C19orf18: variants seen among roughly 807,000 people sequenced by gnomAD.
The protein encoded by C19orf18 is chromosome 19 open reading frame 18.
A neutral mutation model predicts 23.3 loss-of-function variants in C19orf18; 21 were observed. That is an observed-to-expected ratio of 0.90 (90% CI 0.64 to 1.30). C19orf18 has a LOEUF of 1.30. Among genes scored for constraint, C19orf18 ranks in the 50% most tolerant of loss-of-function variants. The probability of loss-of-function intolerance (pLI) is 0.00; values close to 1 mark genes in which losing one functional copy is unlikely to be tolerated. For synonymous variants in C19orf18, 96 were observed against 95.2 expected (o/e 1.01, Z -0.05); for missense variants, 249 against 259.6 (o/e 0.96, Z 0.28).
chr19:57,972,401 C>A, intron 3 of C19orf18, 62 bp downstream of exon 3: 1 of 1,583,786 alleles, frequency 6.3e-7, no homozygotes, highest in Non-Finnish European at 8.6e-7. Context: ...TCTGGAGCCA[C>A]ACATCACGAC....
intron 4 of C19orf18, among the ~76,000 whole-genome samples, chr19:57,966,178 C>T (rs904155855): frequency 2.0e-5 from 3 of 152,008 alleles, no homozygotes; most frequent in Non-Finnish European, 4.4e-5. Context: ...GGGGTTTCAC[C>T]GTGTTAGCCA....
intron 3 of C19orf18, among the ~76,000 whole-genome samples, chr19:57,968,616 G>T (rs1195958667): frequency 6.6e-6 from 1 of 152,084 alleles, no homozygotes; most frequent in East Asian, 1.9e-4. Flanking sequence ...CAGAGCTAGA[G>T]AAATATATGA....
chr19:57,972,026 A>C (rs1165054728), intron 3 of C19orf18, among the ~76,000 whole-genome samples: 1 of 152,136 alleles, frequency 6.6e-6, no homozygotes. Flanking sequence ...GCACTTAGCA[A>C]ATGTGCAGAG....
chr19:57,973,799 C>T (rs568833080), intron 2 of C19orf18, among the ~76,000 whole-genome samples: 1 of 151,844 alleles, frequency 6.6e-6, no homozygotes, highest in African/African-American at 2.4e-5. Flanking sequence ...TGCTCTACTG[C>T]CAAATGTGCA....
intron 4 of C19orf18, among the ~76,000 whole-genome samples, chr19:57,965,544 G>A (rs559083354): frequency 5.3e-5 from 8 of 152,272 alleles, no homozygotes; most frequent in Admixed American, 1.3e-4. Context: ...TCTGGAGTTC[G>A]AGACCAGCCT....
chr19:57,974,048 G>C, intron 2 of C19orf18, 51 bp downstream of exon 2: 1 of 1,550,722 alleles, frequency 6.4e-7, no homozygotes, highest in Non-Finnish European at 8.9e-7. Context: ...CAGATAAGAG[G>C]ACTCCAGGCT....
chr19:57,965,817 T>A (rs1013902165), intron 4 of C19orf18, among the ~76,000 whole-genome samples: 5 of 152,066 alleles, frequency 3.3e-5, no homozygotes, highest in African/African-American at 1.2e-4. Flanking sequence ...GATGCTAGCA[T>A]CTCAAACTGT....
intron 4 of C19orf18, among the ~76,000 whole-genome samples, chr19:57,966,226 C>T (rs1030135242): frequency 8.5e-5 from 13 of 152,128 alleles, no homozygotes; most frequent in Admixed American, 5.9e-4. Context: ...ATCCACCCGC[C>T]TCGGCCTTCC....
Position 57,974,123 on chromosome 19 carries a change from G to C in C19orf18, c.202C>G (p.Gln68Glu). 12 of 1,614,076 alleles carry C rather than the reference G, an allele frequency of 7.4e-6. No individual in the cohort carries two copies. The highest frequency in any genetic ancestry group is 9.3e-6 in the Non-Finnish European group (11 of 1,180,014). The change falls in exon 2 of 6, where the codon CAA becomes GAA. Residue 68 changes from glutamine (Q) to glutamate (E), a missense_variant. By Grantham distance (29) the Gln-to-Glu change is conservative. Coordinates refer to ENST00000314391, the MANE Select transcript of C19orf18 (RefSeq NM_152474.5). Reference sequence around the variant, plus strand: ...CCCGTGGATCTCGAGGCAGCCCCTTGAATCCCAGGCAACTGGGTTTTATGA... The same window carrying C: ...CCCGTGGATCTCGAGGCAGCCCCTTCAATCCCAGGCAACTGGGTTTTATGA... ...FFHKTQLPGI[Q>E]GAASRSTAAS...
intron 5 of C19orf18, among the ~76,000 whole-genome samples, chr19:57,960,425 CAAAA>C (rs34335308): frequency 1.1e-4 from 10 of 94,176 alleles, no homozygotes; most frequent in African/African-American, 7.0e-5. Context: ...GACTCCGCCT[CAAAA>C]AAAAAAAAAA....
At chr19:57,965,453 A>G (rs2072901843) in intron 4 of C19orf18, among the ~76,000 whole-genome samples, 1 of 152,186 alleles carries the variant, frequency 6.6e-6, no homozygotes, top group Non-Finnish European at 1.5e-5. Flanking sequence ...ATTTTAAAAT[A>G]CCAAATTCTG....
intron 4 of C19orf18, among the ~76,000 whole-genome samples, chr19:57,962,333 G>A (rs977841662): frequency 2.6e-5 from 4 of 151,870 alleles, no homozygotes; most frequent in Non-Finnish European, 5.9e-5. Context: ...CACTGTGCCC[G>A]GCCATAATCA....
In C19orf18 at chr19:57,974,358, C is replaced by T. The variant is rs773869458; in HGVS notation, c.75G>A (p.Pro25=). 2.6e-5 allele frequency: 42 copies of T among 1,613,936 alleles called. No homozygotes were observed. The highest frequency in any genetic ancestry group is 6.7e-5 in the Admixed American group (4 of 60,004). The part of the protein sequence containing the change: ...LMECQLHLCL[P]YADGLHPTGN... ...CAGTGGGATGGAGTCCATCTGCATA[C>T]GGCAAGCATAAATGAAGTTGGCATT... Residue 25 remains proline, a synonymous_variant, in exon 1 of 6, where the codon CCG becomes CCA. Coordinates refer to ENST00000314391, the MANE Select transcript of C19orf18 (RefSeq NM_152474.5).
intron 3 of C19orf18, among the ~76,000 whole-genome samples, chr19:57,967,099 A>G (rs1194608304): frequency 7.2e-6 from 1 of 138,390 alleles, no homozygotes; most frequent in Non-Finnish European, 1.6e-5. Flanking sequence ...AAAAAAAAAG[A>G]AAGAAAACTG....
chr19:57,965,117 T>TTTTATTTATTTATTTATTTATTTATTTA (rs59561103), intron 4 of C19orf18, among the ~76,000 whole-genome samples: 1 of 145,938 alleles, frequency 6.9e-6, no homozygotes, highest in Non-Finnish European at 1.5e-5. Context: ...GTTCTTTTTA[T>TTTTATTTATTTATTTATTTATTTATTTA]TTTATTTATT....
At chr19:57,969,555 AAAAAAAAACAG>A (rs2072929862) in intron 3 of C19orf18, among the ~76,000 whole-genome samples, 1 of 127,594 alleles carries the variant, frequency 7.8e-6, no homozygotes, top group African/African-American at 3.1e-5. Flanking sequence ...ACTCTGTCTT[AAAAAAAAACAG>A]AAAAAAAAAA....
intron 2 of C19orf18, among the ~76,000 whole-genome samples, chr19:57,973,673 C>T (rs930999299): frequency 4.0e-5 from 6 of 149,750 alleles, no homozygotes; most frequent in Non-Finnish European, 5.9e-5. Context: ...TGCAGTGAGC[C>T]GAGATCGCGC....
At chr19:57,973,032 C>G (rs1027534847) in intron 2 of C19orf18, among the ~76,000 whole-genome samples, 1 of 151,472 alleles carries the variant, frequency 6.6e-6, no homozygotes, top group Non-Finnish European at 1.5e-5. Flanking sequence ...CCTGTAGTCC[C>G]AGCTACTCAG....
At chr19:57,972,437 C>G (rs762817612) in intron 3 of C19orf18, 26 bp downstream of exon 3, 1 of 1,613,074 alleles carries the variant, frequency 6.2e-7, no homozygotes, top group South Asian at 1.1e-5. Flanking sequence ...GCGGGTCCAC[C>G]CGCCCTCCCA....
Sources: allele counts gnomAD v4.1 joint callset (sites outside exome capture counted in the v4.1 genomes callset), GRCh38; gene constraint gnomAD v4.1.1; transcripts MANE v1.5; gene names NCBI Gene and HGNC (gene_info 2026-07-23, HGNC 2026-07-21).